CDH13: variants seen among roughly 807,000 people sequenced by gnomAD.
CDH13 encodes the protein cadherin-13.
In CDH13, 24 loss-of-function variants were observed where a neutral mutation model predicts 63.8. The ratio of observed to expected loss-of-function variants is 0.38; its 90% CI spans 0.27 to 0.53. The LOEUF (loss-of-function observed/expected upper bound fraction) is 0.53, where lower values mean the gene tolerates loss of function less well. CDH13 is among the 20% of genes least tolerant of loss of function. The probability of loss-of-function intolerance (pLI) is 0.85; values close to 1 mark genes in which losing one functional copy is unlikely to be tolerated. For missense variants in CDH13, 1,049 were observed against 903.1 expected, an observed-to-expected ratio of 1.16 and a Z score of -2.07; for synonymous variants, 503 against 355.3, an observed-to-expected ratio of 1.42 and a Z score of -4.67.
intron 1 of CDH13, among the ~76,000 whole-genome samples, chr16:82,830,107 G>A (rs963133061): frequency 2.6e-5 from 4 of 152,150 alleles, no homozygotes; most frequent in Admixed American, 6.6e-5. Flanking sequence ...TCCCCCAGAT[G>A]AGGGAGCAAA....
intron 6 of CDH13, among the ~76,000 whole-genome samples, chr16:83,355,084 A>G (rs1433885320): frequency 1.3e-5 from 2 of 152,206 alleles, no homozygotes; most frequent in African/African-American, 2.4e-5. Context: ...GGTGGTTTTA[A>G]GCGAGGAAAT....
chr16:83,764,818 G>T (rs1264418966), intron 11 of CDH13, among the ~76,000 whole-genome samples: 1 of 152,094 alleles, frequency 6.6e-6, no homozygotes, highest in Non-Finnish European at 1.5e-5. Context: ...CTTCCCTGAA[G>T]CCCTCGCAAT....
rs545636317 is a variant in CDH13, at chr16:83,278,229, T to C, written c.636+60732T>C. Among the ~76,000 whole-genome samples, 25 of 152,330 alleles carry C rather than the reference T, an allele frequency of 1.6e-4. No homozygotes were observed. The South Asian group carries it at 5.2e-3, about 32-fold the overall frequency. On this transcript the variant is annotated intron_variant, in intron 5 of 13. Coordinates refer to ENST00000567109, the MANE Select transcript of CDH13 (RefSeq NM_001257.5). ...TTTAAAAAGTACAACCCCAGGAATTTTGTGATCATAGATATGACTCCTTTA... is the reference window on the plus strand; with the variant it reads ...TTTAAAAAGTACAACCCCAGGAATTCTGTGATCATAGATATGACTCCTTTA...
At chr16:83,712,926 G>C (rs189587589) in intron 10 of CDH13, among the ~76,000 whole-genome samples, 9 of 152,168 alleles carry the variant, frequency 5.9e-5, no homozygotes, top group African/African-American at 2.2e-4. Flanking sequence ...AAAATGTTCC[G>C]CAAAGTGACT....
chr16:83,007,589 G>T (rs912941238), intron 2 of CDH13, among the ~76,000 whole-genome samples: 3 of 152,196 alleles, frequency 2.0e-5, no homozygotes, highest in East Asian at 3.9e-4. Context: ...CAGCACTTTG[G>T]GAGGCTGGGG....
chr16:82,844,782 G>A (rs2039188453), intron 1 of CDH13: 1 of 144,254 alleles, frequency 6.9e-6, no homozygotes, highest in African/African-American at 2.5e-5. Flanking sequence ...TGGGACTACA[G>A]GCGCCCGCCA....
At chr16:82,903,063 G>C (rs945153677) in intron 2 of CDH13, among the ~76,000 whole-genome samples, 2 of 152,228 alleles carry the variant, frequency 1.3e-5, no homozygotes, top group Non-Finnish European at 2.9e-5. Flanking sequence ...ACTCTATAAA[G>C]ATGGTAATGG....
intron 3 of CDH13, among the ~76,000 whole-genome samples, chr16:83,094,843 A>C (rs2151589954): frequency 6.6e-6 from 1 of 152,226 alleles, no homozygotes; most frequent in South Asian, 2.1e-4. Context: ...TAGCTTCCAA[A>C]CTGTTAGCTA....
intron 3 of CDH13, among the ~76,000 whole-genome samples, chr16:83,089,665 A>G (rs547911551): frequency 3.9e-5 from 6 of 152,214 alleles, no homozygotes; most frequent in South Asian, 4.1e-4. Flanking sequence ...CCTGATATAG[A>G]TGAGGGATGT....
rs1222903682 is a variant in CDH13 at position 82,784,604 on chromosome 16, GA to G, written c.46-73756del. Among the ~76,000 whole-genome samples the G allele has an allele frequency of 4.6e-5, 7 of 152,288 alleles. No individual in the cohort carries two copies. In the East Asian group the frequency reaches 1.4e-3, roughly 29 times the overall value. On this transcript the variant is annotated intron_variant, in intron 1 of 13. Coordinates refer to ENST00000567109, the MANE Select transcript of CDH13 (RefSeq NM_001257.5). Reference sequence around the variant, plus strand: ...TGGTTAGAACCTAGTGAGGGAAGAAGAAGAATTAATACCTCTTTATAAAATT... The same window carrying G: ...TGGTTAGAACCTAGTGAGGGAAGAAGAGAATTAATACCTCTTTATAAAATT...
At chr16:82,885,544 C>T (rs2040859796) in intron 2 of CDH13, among the ~76,000 whole-genome samples, 5 of 151,838 alleles carry the variant, frequency 3.3e-5, no homozygotes, top group South Asian at 2.1e-4. Flanking sequence ...TCCATCCATC[C>T]AGCCATCCAT....
At chr16:82,826,321 G>A (rs984306263) in intron 1 of CDH13, 3 of 152,170 alleles carry the variant, frequency 2.0e-5, no homozygotes, top group Non-Finnish European at 4.4e-5. Context: ...TATATGGCAG[G>A]TGCTTAAATT....
At chr16:83,656,961 G>A (rs1210136429) in intron 8 of CDH13, among the ~76,000 whole-genome samples, 1 of 152,208 alleles carries the variant, frequency 6.6e-6, no homozygotes, top group Non-Finnish European at 1.5e-5. Flanking sequence ...CTCCAGGAAA[G>A]GTGATTAAAG....
At chr16:83,112,452 G>A (rs1299090940) in intron 3 of CDH13, among the ~76,000 whole-genome samples, 1 of 152,226 alleles carries the variant, frequency 6.6e-6, no homozygotes, top group African/African-American at 2.4e-5. Flanking sequence ...TGCGGTATGT[G>A]TATACACAGG....
intron 1 of CDH13, among the ~76,000 whole-genome samples, chr16:82,726,162 G>T (rs574151401): frequency 1.3e-5 from 2 of 152,148 alleles, no homozygotes; most frequent in African/African-American, 4.8e-5. Context: ...GTGCATGTGC[G>T]CACGGTAGGT....
intron 1 of CDH13, among the ~76,000 whole-genome samples, chr16:82,690,499 G>A (rs971892600): frequency 2.0e-5 from 3 of 152,290 alleles, no homozygotes; most frequent in African/African-American, 4.8e-5. Context: ...AAGCACACAA[G>A]TTTGTAGATT....
chr16:83,698,830 T>A (rs942697010), intron 10 of CDH13, among the ~76,000 whole-genome samples: 1 of 152,246 alleles, frequency 6.6e-6, no homozygotes, highest in African/African-American at 2.4e-5. Flanking sequence ...ACAATCTGTG[T>A]CTCAGCTACT....
intron 3 of CDH13, among the ~76,000 whole-genome samples, chr16:83,116,013 C>A (rs1215731540): frequency 6.6e-6 from 1 of 152,200 alleles, no homozygotes; most frequent in African/African-American, 2.4e-5. Flanking sequence ...GAAGTAGGAT[C>A]ATTCCTCTCA....
At chr16:83,288,501 G>A (rs1259900151) in intron 5 of CDH13, among the ~76,000 whole-genome samples, 1 of 152,180 alleles carries the variant, frequency 6.6e-6, no homozygotes, top group African/African-American at 2.4e-5. Context: ...CAAGTGCAGG[G>A]CAGAGACAGG....
Sources: allele counts gnomAD v4.1 joint callset (sites outside exome capture counted in the v4.1 genomes callset), GRCh38; gene constraint gnomAD v4.1.1; transcripts MANE v1.5; gene names NCBI Gene and HGNC (gene_info 2026-07-23, HGNC 2026-07-21).